The following DOCK3 variants were observed in gnomAD, a reference collection of about 807,000 sequenced individuals.
The protein encoded by DOCK3 is dedicator of cytokinesis 3.
A neutral mutation model predicts 265.6 loss-of-function variants in DOCK3; 60 were observed. The ratio of observed to expected loss-of-function variants is 0.23; its 90% CI spans 0.18 to 0.28. The LOEUF is 0.28. Among genes scored for constraint, DOCK3 ranks in the 10% least tolerant of loss-of-function variants. DOCK3 has a pLI of 1.00. For synonymous variants in DOCK3, 881 were observed against 938.0 expected (o/e 0.94, Z 1.11); for missense variants, 1,981 against 2,594.3 (o/e 0.76, Z 5.14).
chr3:50,875,600 T>C (rs1181467908), intron 3 of DOCK3, among the ~76,000 whole-genome samples: 1 of 152,222 alleles, frequency 6.6e-6, no homozygotes, highest in Non-Finnish European at 1.5e-5. Flanking sequence ...TGATATATCA[T>C]GTTTATTGAT....
chr3:51,321,336 A>G (rs1160952350), intron 32 of DOCK3, among the ~76,000 whole-genome samples: 1 of 152,200 alleles, frequency 6.6e-6, no homozygotes, highest in African/African-American at 2.4e-5. Flanking sequence ...ACAAATATCA[A>G]AGACCAACGG....
At chr3:50,915,241 A>T (rs925743522) in intron 4 of DOCK3, among the ~76,000 whole-genome samples, 6 of 152,044 alleles carry the variant, frequency 3.9e-5, no homozygotes, top group Non-Finnish European at 8.8e-5. Flanking sequence ...ACTCAGGGGC[A>T]GGGCATGAAG....
intron 9 of DOCK3, among the ~76,000 whole-genome samples, chr3:51,127,506 A>G (rs2084322334): frequency 6.6e-6 from 1 of 152,268 alleles, no homozygotes; most frequent in Non-Finnish European, 1.5e-5. Context: ...AAATACTATT[A>G]CATAAAGTTA....
At chr3:51,136,291 G>A (rs1392300066) in intron 9 of DOCK3, among the ~76,000 whole-genome samples, 2 of 150,912 alleles carry the variant, frequency 1.3e-5, no homozygotes, top group African/African-American at 4.9e-5. Flanking sequence ...GCAGTGGCAC[G>A]ATCTCGGCTC....
At chr3:50,872,579 A>T (rs2047485516) in intron 3 of DOCK3, among the ~76,000 whole-genome samples, 3 of 152,326 alleles carry the variant, frequency 2.0e-5, no homozygotes, top group Admixed American at 2.0e-4. Flanking sequence ...GAGCTCTAGA[A>T]TGAGCAGCTG....
chr3:51,238,956 T>C (rs1484007357), intron 21 of DOCK3, among the ~76,000 whole-genome samples: 1 of 152,202 alleles, frequency 6.6e-6, no homozygotes, highest in East Asian at 1.9e-4. Flanking sequence ...ACAATTTATA[T>C]TACTTTGGGT....
At chr3:50,857,708 C>G (rs968960427) in intron 3 of DOCK3, among the ~76,000 whole-genome samples, 1 of 152,138 alleles carries the variant, frequency 6.6e-6, no homozygotes, top group Admixed American at 6.5e-5. Context: ...CAGAGAAATG[C>G]AAATCAAAAC....
chr3:50,883,265 A>G (rs933258679), intron 3 of DOCK3, among the ~76,000 whole-genome samples: 1 of 147,974 alleles, frequency 6.8e-6, no homozygotes, highest in Non-Finnish European at 1.5e-5. Context: ...TTGAAGTATT[A>G]AAAAAAAAAG....
In DOCK3 at chr3:51,194,918, G is replaced by A. The variant is rs147791615; in HGVS notation, c.1038-13856G>A. ...CGGTTCACTGCAACCTCTGCCTCCC[G>A]AGTTCAAGTGATTCTCTTGCCTCAG... On this transcript the variant is annotated intron_variant, in intron 12 of 52. Coordinates refer to ENST00000266037, the MANE Select transcript of DOCK3 (RefSeq NM_004947.5). Among the ~76,000 whole-genome samples the A allele has an allele frequency of 2.7e-3, 398 of 146,278 alleles. 5 individuals are homozygous for A. Among genetic ancestry groups the A allele is most frequent in the East Asian group, 5.3e-3 (25 of 4,738 alleles).
rs955652613 is a variant in DOCK3 at position 51,330,174 on chromosome 3, G to T, written c.3439G>T (p.Val1147Leu). Residue 1147 changes from valine to leucine, a missense_variant, in exon 33 of 53, where the codon GTG becomes TTG. This residue lies in a region of DOCK3 where 1,357 missense variants were observed against 1,866.8 expected (regional missense o/e 0.73). Transcript: ENST00000266037. Reference protein sequence around the residue: ...AELIDKLDSMVSEGKGDESYR... With the variant: ...AELIDKLDSMLSEGKGDESYR... ...GTTGATTGACAAGCTGGACAGCATG[G>T]TGTCAGAAGGGAAAGGTGACGAGAG... 3 of 1,606,702 alleles carry T rather than the reference G, an allele frequency of 1.9e-6. No individual in the cohort carries two copies. The highest frequency in any genetic ancestry group is 2.5e-6 in the Non-Finnish European group (3 of 1,176,766).
chr3:51,126,125 T>A (rs2084253569), intron 9 of DOCK3, among the ~76,000 whole-genome samples: 1 of 152,250 alleles, frequency 6.6e-6, no homozygotes, highest in African/African-American at 2.4e-5. Context: ...ACTGAGAGGA[T>A]AGTCTTTTGT....
At chr3:51,059,618 T>G (rs577545925) in intron 5 of DOCK3, among the ~76,000 whole-genome samples, 16 of 152,264 alleles carry the variant, frequency 1.1e-4, no homozygotes, top group Non-Finnish European at 1.6e-4. Flanking sequence ...GTTTGCTCTA[T>G]TCTCAAATCT....
At chr3:51,235,678 A>G (rs2078322591) in intron 19 of DOCK3, among the ~76,000 whole-genome samples, 1 of 152,168 alleles carries the variant, frequency 6.6e-6, no homozygotes, top group African/African-American at 2.4e-5. Context: ...GGAAGGATAG[A>G]CTTGATTTTT....
At chr3:51,322,061 G>T (rs866998298) in intron 32 of DOCK3, among the ~76,000 whole-genome samples, 1 of 151,918 alleles carries the variant, frequency 6.6e-6, no homozygotes, top group Admixed American at 6.6e-5. Flanking sequence ...AGGGAAAAAT[G>T]TTAAGGGCAG....
chr3:50,899,422 CTT>C (rs2049064903), intron 4 of DOCK3, among the ~76,000 whole-genome samples: 1 of 152,102 alleles, frequency 6.6e-6, no homozygotes, highest in Non-Finnish European at 1.5e-5. Flanking sequence ...GGTCTTGACT[CTT>C]TGTCCAGTTT....
chr3:50,796,808 T>G lies in DOCK3; in HGVS notation c.121+18050T>G, dbSNP rs72942555. Among the ~76,000 whole-genome samples, 942 of 152,228 alleles carry G rather than the reference T, an allele frequency of 6.2e-3. 8 individuals carry two copies. Among genetic ancestry groups the G allele is most frequent in the African/African-American group, 0.021 (885 of 41,516 alleles). ...AGTTGATGACCTTGAGGGTTTTGAT[T>G]GCGGTATAAGGTGAATTCAGCCGAC... On this transcript the variant is annotated intron_variant, in intron 2 of 52. Transcript: ENST00000266037.
At chr3:51,047,948 C>G (rs1190041591) in intron 5 of DOCK3, among the ~76,000 whole-genome samples, 2 of 152,072 alleles carry the variant, frequency 1.3e-5, no homozygotes, top group African/African-American at 2.4e-5. Context: ...TAACTTCAGG[C>G]CACTATTCCT....
At chr3:51,327,672 C>T (rs972354516) in intron 32 of DOCK3, among the ~76,000 whole-genome samples, 3 of 150,420 alleles carry the variant, frequency 2.0e-5, no homozygotes, top group African/African-American at 7.3e-5. Flanking sequence ...CCTTCCATCA[C>T]CAGCTTTTTT....
chr3:51,252,236 C>A (rs2079288583), intron 22 of DOCK3, among the ~76,000 whole-genome samples: 1 of 152,158 alleles, frequency 6.6e-6, no homozygotes, highest in African/African-American at 2.4e-5. Flanking sequence ...TGTTTTGGTA[C>A]CAGTACCATG....
Sources: gnomAD v4.1 joint callset for allele counts (sites outside exome capture counted in the v4.1 genomes callset) on GRCh38, gnomAD v4.1.1 for gene constraint, gnomAD v4.1.1 regional missense constraint, MANE v1.5 for transcripts, NCBI Gene and HGNC (gene_info 2026-07-23, HGNC 2026-07-21) for gene names.